ECM2: variants seen among roughly 807,000 people sequenced by gnomAD.
ECM2 encodes the protein extracellular matrix protein 2, female organ and adipocyte specific.
Under a neutral mutation model 67.5 loss-of-function variants are expected in ECM2, and 57 were observed. That is an observed-to-expected ratio of 0.84 (90% CI 0.68 to 1.05). The LOEUF (loss-of-function observed/expected upper bound fraction) is 1.05, where lower values mean the gene tolerates loss of function less well. Ranked by LOEUF, ECM2 falls within the 50% of genes least tolerant of loss-of-function variation. The pLI is 0.00. For missense variants in ECM2, 741 were observed against 822.8 expected (o/e 0.90, Z 1.22); for synonymous variants, 258 against 294.5 (o/e 0.88, Z 1.27).
upstream of ECM2, among the ~76,000 whole-genome samples, chr9:92,536,382 T>C (rs918857561): frequency 1.3e-5 from 2 of 152,156 alleles, no homozygotes; most frequent in African/African-American, 2.4e-5. Context: ...AGGGATGATA[T>C]TCTCGTCAGC....
rs1846293515 is a variant in ECM2, at chr9:92,495,315, TTA to T, written c.*998_*999del. On this transcript the variant is annotated 3_prime_UTR_variant, in exon 10 of 10. Coordinates refer to ENST00000344604, the MANE Select transcript of ECM2 (RefSeq NM_001393.4). ...TTTAGCAATACAAAGATAAAAATCA[TTA>T]TGTTAGAAAATTTTAATATATGATT... 2 of 867,624 alleles carry T rather than the reference TTA, an allele frequency of 2.3e-6. No homozygotes were observed. The highest frequency in any genetic ancestry group is 1.4e-6 in the Non-Finnish European group (1 of 722,698). 53.7% of individuals were successfully genotyped at this position (867,624 alleles called of 1,614,324 possible).
At chr9:92,535,136 T>TAGATACTTTTACTTACCTA (rs766072766) in intron 1 of ECM2, among the ~76,000 whole-genome samples, 16,142 of 152,146 alleles carry the variant, frequency 0.11, 931 homozygotes, top group Middle Eastern at 0.15. Flanking sequence ...TACCCAGAAA[T>TAGATACTTTTACTTACCTA]CTAAATAGAT....
chr9:92,522,434 A>G, intron 2 of ECM2, 141 bp downstream of exon 2: 1 of 988,098 alleles, frequency 1.0e-6, no homozygotes. Flanking sequence ...TAAACCAAAA[A>G]GTAATATAAT....
chr9:92,558,257 C>G, the ECM2 span, among the ~76,000 whole-genome samples: 5 of 152,170 alleles, frequency 3.3e-5, no homozygotes, highest in African/African-American at 1.2e-4. Context: ...GGTTCCTTCT[C>G]ATTTAGGTAG....
the ECM2 span, among the ~76,000 whole-genome samples, chr9:92,546,754 T>A: frequency 6.6e-6 from 1 of 152,204 alleles, no homozygotes; most frequent in Non-Finnish European, 1.5e-5. Context: ...AACAATTTTA[T>A]GCTAGTAAAT....
the ECM2 span, among the ~76,000 whole-genome samples, chr9:92,541,953 C>G: frequency 6.6e-6 from 1 of 151,990 alleles, no homozygotes; most frequent in African/African-American, 2.4e-5. Context: ...GCCGCCGCAC[C>G]CAGCTAATTT....
chr9:92,555,173 T>A, the ECM2 span, among the ~76,000 whole-genome samples: 6 of 151,678 alleles, frequency 4.0e-5, no homozygotes, highest in African/African-American at 1.5e-4. Context: ...TCTGGTAGAA[T>A]TCTGCTGTGA....
intron 4 of ECM2, among the ~76,000 whole-genome samples, chr9:92,512,949 A>G (rs1220523358): frequency 1.3e-5 from 2 of 152,168 alleles, no homozygotes; most frequent in East Asian, 1.9e-4. Flanking sequence ...TCCTTAGGTG[A>G]TCATATGAAA....
the ECM2 span, among the ~76,000 whole-genome samples, chr9:92,546,717 C>T: frequency 1.4e-4 from 22 of 152,130 alleles, no homozygotes; most frequent in Admixed American, 2.6e-4. Flanking sequence ...AGACCAAGAA[C>T]CCAGCAGTTC....
rs1431115384 is a variant in ECM2 at position 92,506,931 on chromosome 9, A to G, written c.1307-1241T>C. Among the ~76,000 whole-genome samples, 71 of 152,066 alleles carry G rather than the reference A, an allele frequency of 4.7e-4. 1 individual carries two copies. Among genetic ancestry groups the G allele is most frequent in the Non-Finnish European group, 1.9e-4 (13 of 68,024 alleles). On this transcript the variant is annotated intron_variant, in intron 6 of 9. Coordinates refer to ENST00000344604, the MANE Select transcript of ECM2 (RefSeq NM_001393.4). ...ATTTTATTTTATTTTATTTAGAGAC[A>G]GAGTCTTGCTCTGTCACCCAGGCTG... is the stretch of plus-strand genomic sequence containing the variant.
intron 5 of ECM2, 32 bp downstream of exon 5, chr9:92,511,979 A>G (rs2296666): frequency 0.32 from 484,268 of 1,510,748 alleles, 83,655 homozygotes; most frequent in African/African-American, 0.65. Flanking sequence ...GAAGCCATTC[A>G]TCCAAATAGA....
upstream of ECM2, among the ~76,000 whole-genome samples, chr9:92,540,732 C>T (rs923778372): frequency 6.6e-6 from 1 of 151,514 alleles, no homozygotes; most frequent in African/African-American, 2.4e-5. Context: ...GATCACACCA[C>T]TGCACTCTAG....
intron 2 of ECM2, 135 bp from the exon 3 acceptor site, chr9:92,518,010 T>C: frequency 9.6e-7 from 1 of 1,036,300 alleles, no homozygotes; most frequent in Non-Finnish European, 1.4e-6. Flanking sequence ...ATGTATAGGG[T>C]AAAGATGTCG....
At chr9:92,551,952 TG>T in the ECM2 span, among the ~76,000 whole-genome samples, 933 of 113,774 alleles carry the variant, frequency 8.2e-3, 58 homozygotes, top group African/African-American at 0.035. Flanking sequence ...TATATATATA[TG>T]ATATATATAT....
At chr9:92,541,327 A>G (rs1434868416), upstream of ECM2, among the ~76,000 whole-genome samples, 1 of 151,966 alleles carries the variant, frequency 6.6e-6, no homozygotes, top group Non-Finnish European at 1.5e-5. Context: ...AAAACATTGT[A>G]CCCTTTGACT....
intron 9 of ECM2, among the ~76,000 whole-genome samples, chr9:92,499,231 A>G (rs1846533167): frequency 6.6e-6 from 1 of 152,234 alleles, no homozygotes; most frequent in Non-Finnish European, 1.5e-5. Context: ...CCAGAAAAAG[A>G]GAGAACCCTA....
intron 8 of ECM2, among the ~76,000 whole-genome samples, chr9:92,501,886 C>T (rs552956661): frequency 6.6e-6 from 1 of 152,330 alleles, no homozygotes; most frequent in South Asian, 2.1e-4. Context: ...AAGCTATAGC[C>T]AGAGGCTGCT....
chr9:92,513,458 AG>A (rs1391207022), intron 4 of ECM2, among the ~76,000 whole-genome samples: 1 of 152,224 alleles, frequency 6.6e-6, no homozygotes, highest in Admixed American at 6.5e-5. Flanking sequence ...ATTGCCCTAG[AG>A]AAATGAACAC....
In ECM2 at chr9:92,514,786, A is replaced by G; in HGVS notation, c.899T>C (p.Met300Thr). 6.2e-7 allele frequency: 1 copy of G among 1,614,024 alleles called. No individual in the cohort carries two copies. Among genetic ancestry groups the G allele is most frequent in the Non-Finnish European group, 8.5e-7 (1 of 1,179,988 alleles). Residue 300 changes from methionine to threonine, a missense_variant, in exon 4 of 10, where the codon ATG (methionine) becomes ACG (threonine). Transcript: ENST00000344604. ...EDPVRGDMFRMPSRSPLPAPP... is the reference protein window; with the variant it reads ...EDPVRGDMFRTPSRSPLPAPP... ...AGCAGGAAGCGGGGATCGAGAGGGC[A>G]TTCGGAACATATCTCCTCTTACCGG...
Sources: allele counts gnomAD v4.1 joint callset (sites outside exome capture counted in the v4.1 genomes callset), GRCh38; gene constraint gnomAD v4.1.1; transcripts MANE v1.5; gene names NCBI Gene and HGNC (gene_info 2026-07-23, HGNC 2026-07-21).